Variants in EXOC4 observed in about 807,000 individuals in gnomAD.
EXOC4 encodes the protein SEC8-like 1.
EXOC4 carries 71 observed loss-of-function variants against 107.2 expected under a neutral mutation model. The observed-to-expected ratio is 0.66, with a 90% CI of 0.55 to 0.81. EXOC4 has a LOEUF of 0.81. EXOC4 is among the 30% of genes least tolerant of loss of function. The pLI, the probability that EXOC4 is intolerant of heterozygous loss-of-function variation, is 0.00. For synonymous variants in EXOC4, 456 were observed against 441.2 expected (o/e 1.03, Z -0.42); for missense variants, 1,108 against 1,189.6 (o/e 0.93, Z 1.01).
intron 14 of EXOC4, among the ~76,000 whole-genome samples, chr7:133,988,548 G>T (rs1794172538): frequency 6.6e-6 from 1 of 152,152 alleles, no homozygotes; most frequent in Admixed American, 6.5e-5. Flanking sequence ...TAATGATCTG[G>T]AAGGGAGACA....
intron 9 of EXOC4, among the ~76,000 whole-genome samples, chr7:133,523,976 G>A (rs1263778512): frequency 3.3e-5 from 5 of 150,400 alleles, no homozygotes; most frequent in Admixed American, 3.3e-4. Context: ...GGATGGCTGG[G>A]TCAAATGGTA....
At chr7:133,895,482 C>T in intron 11 of EXOC4, 117 bp from the exon 12 acceptor site, 1 of 1,046,756 alleles carries the variant, frequency 9.6e-7, no homozygotes, top group Non-Finnish European at 1.4e-6. Flanking sequence ...TTCAAAATGT[C>T]ACATTCTTGC....
intron 12 of EXOC4, among the ~76,000 whole-genome samples, chr7:133,903,276 C>T (rs1799496159): frequency 6.6e-6 from 1 of 152,158 alleles, no homozygotes; most frequent in Non-Finnish European, 1.5e-5. Context: ...GTAGGAGCAG[C>T]ATGATCTTAC....
chr7:133,814,654 A>G (rs1797321767), intron 10 of EXOC4, among the ~76,000 whole-genome samples: 1 of 152,204 alleles, frequency 6.6e-6, no homozygotes, highest in Admixed American at 6.5e-5. Flanking sequence ...ATATATGAGA[A>G]TGCCTCTTTC....
chr7:133,674,668 T>C (rs1289452036), intron 10 of EXOC4, among the ~76,000 whole-genome samples: 1 of 152,222 alleles, frequency 6.6e-6, no homozygotes, highest in Non-Finnish European at 1.5e-5. Flanking sequence ...AGACTTGATT[T>C]AAAGAACTTC....
chr7:134,011,051 C>T (rs1289216470), intron 17 of EXOC4, among the ~76,000 whole-genome samples: 9 of 152,178 alleles, frequency 5.9e-5, no homozygotes, highest in East Asian at 3.8e-4. Flanking sequence ...AGCTCTCTTA[C>T]GGTTTTAACC....
At chr7:133,900,048 A>G (rs113075157) in intron 12 of EXOC4, among the ~76,000 whole-genome samples, 116 of 152,188 alleles carry the variant, frequency 7.6e-4, no homozygotes, top group African/African-American at 2.7e-3. Context: ...GTTGAGCAGC[A>G]CCATCACTTT....
chr7:133,484,501 G>A lies in EXOC4; in HGVS notation c.1417+4363G>A, dbSNP rs560525854. Among the ~76,000 whole-genome samples, 17 of 151,944 alleles carry A rather than the reference G, an allele frequency of 1.1e-4. No homozygotes were observed. In the South Asian group the frequency reaches 3.5e-3, roughly 32 times the overall value. ...AGGTTTAATGTATAATTCTTCAGGG[G>A]AATAGATAATTGATGAACACATTAT... On this transcript the variant is annotated intron_variant, in intron 9 of 17. Transcript: ENST00000253861.
chr7:133,281,800 C>G (rs749970142), intron 2 of EXOC4, among the ~76,000 whole-genome samples: 2 of 150,826 alleles, frequency 1.3e-5, no homozygotes, highest in Non-Finnish European at 2.9e-5. Context: ...CTCCCGGGTT[C>G]AAGTGATTCT....
chr7:133,840,836 T>G (rs1798011402), intron 11 of EXOC4, among the ~76,000 whole-genome samples: 1 of 152,186 alleles, frequency 6.6e-6, no homozygotes, highest in African/African-American at 2.4e-5. Flanking sequence ...ACCTTTATGA[T>G]TATTAAGATG....
At chr7:133,913,580 T>C (rs1799742640) in intron 12 of EXOC4, among the ~76,000 whole-genome samples, 1 of 152,202 alleles carries the variant, frequency 6.6e-6, no homozygotes, top group African/African-American at 2.4e-5. Context: ...TGACTCTGCA[T>C]TCCTGAGTTG....
intron 11 of EXOC4, among the ~76,000 whole-genome samples, chr7:133,880,194 TG>T (rs1272070525): frequency 6.6e-6 from 1 of 152,218 alleles, no homozygotes; most frequent in Non-Finnish European, 1.5e-5. Flanking sequence ...CCTCTTCTCT[TG>T]GACTATCACT....
At chr7:133,509,255 C>G (rs1799721914) in intron 9 of EXOC4, among the ~76,000 whole-genome samples, 1 of 152,000 alleles carries the variant, frequency 6.6e-6, no homozygotes, top group Non-Finnish European at 1.5e-5. Context: ...GGTGAAACCC[C>G]ATTTCTACTA....
At chr7:133,682,188 A>G (rs1286285008) in intron 10 of EXOC4, among the ~76,000 whole-genome samples, 1 of 152,146 alleles carries the variant, frequency 6.6e-6, no homozygotes, top group Non-Finnish European at 1.5e-5. Flanking sequence ...GTAATCCACC[A>G]TGCCCAGGCA....
intron 14 of EXOC4, among the ~76,000 whole-genome samples, chr7:133,959,163 A>G (rs756703915): frequency 3.7e-4 from 57 of 152,216 alleles, no homozygotes; most frequent in Non-Finnish European, 7.1e-4. Flanking sequence ...ATGAGCAGAC[A>G]GCCAAGAAGA....
chr7:133,884,758 C>T (rs905403794), intron 11 of EXOC4, among the ~76,000 whole-genome samples: 8 of 152,166 alleles, frequency 5.3e-5, no homozygotes, highest in East Asian at 3.9e-4. Context: ...ACAGAGCATT[C>T]GGCAAACTAA....
chr7:133,815,925 A>C (rs951852804), intron 10 of EXOC4, among the ~76,000 whole-genome samples: 1 of 152,202 alleles, frequency 6.6e-6, no homozygotes, highest in African/African-American at 2.4e-5. Flanking sequence ...TTGTTGGCCA[A>C]TTCCCTCTTT....
rs1799292627 is a variant in EXOC4 at position 133,895,754 on chromosome 7, G to A, written c.1871+19G>A. The stretch of plus-strand genomic sequence containing the variant: ...CTTACAGGTAGAGCTTCTGTTAGGG[G>A]CTAAGCAAAGTAACGTTTGAGCCTG... On this transcript the variant is annotated intron_variant, in intron 12 of 17. Coordinates refer to ENST00000253861, the MANE Select transcript of EXOC4 (RefSeq NM_021807.4). 1 of 1,603,946 alleles carries A rather than the reference G, an allele frequency of 6.2e-7. No homozygotes were observed. Among genetic ancestry groups the A allele is most frequent in the African/African-American group, 1.3e-5 (1 of 74,602 alleles).
At chr7:133,262,316 C>G (rs140981740) in intron 1 of EXOC4, among the ~76,000 whole-genome samples, 1,562 of 150,880 alleles carry the variant, frequency 0.01, 19 homozygotes, top group African/African-American at 0.037. Flanking sequence ...ATTGGGGCAG[C>G]ATAGTAAGCC....
Sources: gnomAD v4.1 joint callset for allele counts (sites outside exome capture counted in the v4.1 genomes callset) on GRCh38, gnomAD v4.1.1 for gene constraint, MANE v1.5 for transcripts, NCBI Gene and HGNC (gene_info 2026-07-23, HGNC 2026-07-21) for gene names.